The following PLCXD3 variants were observed in gnomAD, a reference collection of about 807,000 sequenced individuals.
PLCXD3 encodes the protein PI-PLC X domain-containing protein 3.
In PLCXD3, 19 loss-of-function variants were observed where a neutral mutation model predicts 25.5. The observed-to-expected ratio is 0.75, with a 90% confidence interval of 0.52 to 1.09. The LOEUF (loss-of-function observed/expected upper bound fraction) is 1.09. Among genes scored for constraint, PLCXD3 ranks in the 50% least tolerant of loss-of-function variants. PLCXD3 has a pLI of 0.00. For missense variants in PLCXD3, 411 were observed against 388.1 expected, an observed-to-expected ratio of 1.06 and a Z score of -0.50; for synonymous variants, 174 against 137.6, an observed-to-expected ratio of 1.26 and a Z score of -1.85.
At chr5:41,405,070 T>C (rs1746311143) in intron 1 of PLCXD3, among the ~76,000 whole-genome samples, 1 of 152,144 alleles carries the variant, frequency 6.6e-6, no homozygotes, top group Admixed American at 6.6e-5. Flanking sequence ...TTTCTGGCAA[T>C]AGGCTTTCTA....
chr5:41,470,863 C>A (rs762320267), intron 1 of PLCXD3, among the ~76,000 whole-genome samples: 1 of 152,136 alleles, frequency 6.6e-6, no homozygotes. Flanking sequence ...CCTGATCTGC[C>A]GGCAGTGAGT....
At position 41,307,369 on chromosome 5, in the gene PLCXD3, G is replaced by A. The variant is rs1477952297; in HGVS notation, c.*6248C>T. ...CCATCTGCATTCAGTCTCTGTCAAG[G>A]ATTCACTGTTGGAAACAGTAGTATT... On this transcript the variant is annotated 3_prime_UTR_variant, in exon 3 of 3. Coordinates refer to ENST00000377801, the MANE Select transcript of PLCXD3 (RefSeq NM_001005473.3). 6.6e-6 allele frequency: 1 copy of A among 152,576 alleles called. No individual in the cohort carries two copies. The highest frequency in any genetic ancestry group is 1.5e-5 in the Non-Finnish European group (1 of 68,018). 9.5% of individuals were successfully genotyped at this position (152,576 alleles called of 1,614,324 possible).
intron 2 of PLCXD3, among the ~76,000 whole-genome samples, chr5:41,360,683 G>A (rs1744745785): frequency 6.6e-6 from 1 of 152,208 alleles, no homozygotes; most frequent in East Asian, 1.9e-4. Context: ...ACTGGCGAGT[G>A]TCTGCAAAGA....
chr5:41,368,795 C>T (rs1745010346), intron 2 of PLCXD3, among the ~76,000 whole-genome samples: 1 of 152,168 alleles, frequency 6.6e-6, no homozygotes, highest in African/African-American at 2.4e-5. Flanking sequence ...TTGAGATAAT[C>T]ATGTGCTTTT....
At chr5:41,489,583 G>C (rs1463565378) in intron 1 of PLCXD3, among the ~76,000 whole-genome samples, 5 of 151,318 alleles carry the variant, frequency 3.3e-5, no homozygotes, top group African/African-American at 4.8e-5. Context: ...TCTTCCATTT[G>C]TTTGTATCCT....
At chr5:41,468,009 CTTTTTTTTTTTTT>C (rs145732089) in intron 1 of PLCXD3, among the ~76,000 whole-genome samples, 14 of 52,428 alleles carry the variant, frequency 2.7e-4, no homozygotes, top group East Asian at 2.3e-3. Flanking sequence ...CAGCTTTATT[CTTTTTTTTTTTTT>C]TTTTTTTTTT....
In PLCXD3 at chr5:41,403,401, G is replaced by GT. The variant is rs769067580; in HGVS notation, c.104-20868dup. On this transcript the variant is annotated intron_variant, in intron 1 of 2. Transcript: ENST00000377801. ...ATTTACCCAGATTGACTTATTTGTT[G>GT]TTTTTTTTTTTTTTTATTATACTCT... Among the ~76,000 whole-genome samples, 24 of 18,392 alleles carry GT rather than the reference G, an allele frequency of 1.3e-3. 3 individuals are homozygous for GT. The highest frequency in any genetic ancestry group is 2.9e-3 in the South Asian group (2 of 682). The allele number at this position is 18,392 out of a possible 152,430, so 12.1% of individuals were successfully genotyped here. A position where few individuals can be genotyped will look rare whatever the true frequency, so the allele number is the denominator to read the frequency against.
chr5:41,330,960 C>T (rs1157630278), intron 2 of PLCXD3, among the ~76,000 whole-genome samples: 24 of 152,082 alleles, frequency 1.6e-4, no homozygotes, highest in Non-Finnish European at 2.9e-5. Flanking sequence ...ATAATAAGAG[C>T]TATCTATGAC....
chr5:41,411,165 T>A (rs916949925), intron 1 of PLCXD3, among the ~76,000 whole-genome samples: 1 of 152,338 alleles, frequency 6.6e-6, no homozygotes, highest in Middle Eastern at 3.4e-3. Context: ...TTAAATTCTC[T>A]TAGATTTGAG....
At chr5:41,481,655 A>T (rs1283921838) in intron 1 of PLCXD3, among the ~76,000 whole-genome samples, 1 of 152,244 alleles carries the variant, frequency 6.6e-6, no homozygotes, top group Admixed American at 6.5e-5. Flanking sequence ...AGTAAATAAC[A>T]AGTATGATAT....
intron 2 of PLCXD3, among the ~76,000 whole-genome samples, chr5:41,335,007 T>C (rs1453446394): frequency 1.3e-5 from 2 of 152,204 alleles, no homozygotes; most frequent in Admixed American, 1.3e-4. Flanking sequence ...AAGATTTCGA[T>C]TGCCAGGAAA....
At chr5:41,411,032 G>T (rs1746505118) in intron 1 of PLCXD3, among the ~76,000 whole-genome samples, 1 of 152,122 alleles carries the variant, frequency 6.6e-6, no homozygotes, top group African/African-American at 2.4e-5. Context: ...ATGGGGGAGG[G>T]CAGATTAGAT....
intron 1 of PLCXD3, among the ~76,000 whole-genome samples, chr5:41,429,798 A>G (rs1300851833): frequency 6.6e-6 from 1 of 152,224 alleles, no homozygotes; most frequent in Non-Finnish European, 1.5e-5. Context: ...GATAACATCT[A>G]TTCACACCCA....
chr5:41,391,165 C>T (rs1016593245), intron 1 of PLCXD3, among the ~76,000 whole-genome samples: 1 of 152,110 alleles, frequency 6.6e-6, no homozygotes, highest in East Asian at 1.9e-4. Flanking sequence ...CAGGCAAGTC[C>T]TATAGCTGAA....
At chr5:41,386,605 G>T (rs1282700156) in intron 1 of PLCXD3, among the ~76,000 whole-genome samples, 1 of 152,014 alleles carries the variant, frequency 6.6e-6, no homozygotes, top group Non-Finnish European at 1.5e-5. Context: ...TTGGCTCTTA[G>T]TTAATTAAAG....
chr5:41,479,523 CTG>C (rs974017459), intron 1 of PLCXD3, among the ~76,000 whole-genome samples: 59 of 152,046 alleles, frequency 3.9e-4, no homozygotes, highest in Admixed American at 2.0e-4. Context: ...ATAAAAAAAA[CTG>C]TAACACTCAA....
chr5:41,380,661 C>A (rs1745430761), intron 2 of PLCXD3, among the ~76,000 whole-genome samples: 1 of 152,114 alleles, frequency 6.6e-6, no homozygotes, highest in African/African-American at 2.4e-5. Flanking sequence ...ACTGCCTAAT[C>A]TTTTCTCTTC....
At chr5:41,445,401 A>T (rs973858867) in intron 1 of PLCXD3, among the ~76,000 whole-genome samples, 3 of 152,208 alleles carry the variant, frequency 2.0e-5, no homozygotes, top group Non-Finnish European at 2.9e-5. Flanking sequence ...CAGTGAGTCA[A>T]ATAAAACGAG....
intron 1 of PLCXD3, among the ~76,000 whole-genome samples, chr5:41,504,557 C>T (rs1165358433): frequency 6.6e-6 from 1 of 152,204 alleles, no homozygotes; most frequent in South Asian, 2.1e-4. Context: ...GGTGACCAAG[C>T]TCTGGGAGCC....
Sources: allele counts gnomAD v4.1 joint callset (sites outside exome capture counted in the v4.1 genomes callset), GRCh38; gene constraint gnomAD v4.1.1; transcripts MANE v1.5; gene names NCBI Gene and HGNC (gene_info 2026-07-23, HGNC 2026-07-21).